Variants in GRM7 observed in about 807,000 individuals in gnomAD.
The protein encoded by GRM7 is metabotropic glutamate receptor 7.
GRM7 carries 35 observed loss-of-function variants against 84.5 expected under a neutral mutation model. The ratio of observed to expected loss-of-function variants is 0.41; its 90% CI spans 0.32 to 0.55. The LOEUF is 0.55. Among genes scored for constraint, GRM7 ranks in the 20% least tolerant of loss-of-function variants. The pLI is 0.19. For synonymous variants in GRM7, 487 were observed against 455.1 expected, an observed-to-expected ratio of 1.07 and a Z score of -0.89; for missense variants, 1,003 against 1,194.6, an observed-to-expected ratio of 0.84 and a Z score of 2.36.
At chr3:7,376,640 A>G (rs940648979) in intron 4 of GRM7, among the ~76,000 whole-genome samples, 1 of 152,226 alleles carries the variant, frequency 6.6e-6, no homozygotes, top group Admixed American at 6.5e-5. Context: ...GTGTATGTCA[A>G]TAAGTTTTAT....
rs182633160 is a variant in GRM7 at position 7,475,307 on chromosome 3, C to T, written c.1515+13585C>T. On this transcript the variant is annotated intron_variant, in intron 7 of 9. Transcript: ENST00000357716. Reference sequence around the variant, plus strand: ...ACTTGATGCCTGCCATTTGAAATCACACTCTGAAAGCGAGCTTTAACACAT... The same window carrying T: ...ACTTGATGCCTGCCATTTGAAATCATACTCTGAAAGCGAGCTTTAACACAT... Among the ~76,000 whole-genome samples the T allele has an allele frequency of 3.5e-3, 536 of 152,298 alleles. 2 individuals carry two copies. Among genetic ancestry groups the T allele is most frequent in the African/African-American group, 0.012 (518 of 41,560 alleles).
intron 8 of GRM7, chr3:7,607,827 T>A (rs1284445007): frequency 2.0e-5 from 3 of 151,668 alleles, no homozygotes; most frequent in Non-Finnish European, 4.4e-5. Flanking sequence ...TGTTATTTCA[T>A]CACCCAAGTA....
chr3:7,231,107 C>T (rs1380234180), intron 2 of GRM7, among the ~76,000 whole-genome samples: 1 of 152,082 alleles, frequency 6.6e-6, no homozygotes, highest in South Asian at 2.1e-4. Context: ...GAGAAGAGGG[C>T]TCTGTCTGGC....
intron 1 of GRM7, among the ~76,000 whole-genome samples, chr3:6,866,791 C>T (rs1694952321): frequency 6.6e-6 from 1 of 152,186 alleles, no homozygotes; most frequent in Non-Finnish European, 1.5e-5. Context: ...TTCCTGGCCC[C>T]AGGGATGAGG....
chr3:7,517,625 C>A (rs1700441207), intron 7 of GRM7, among the ~76,000 whole-genome samples: 1 of 152,108 alleles, frequency 6.6e-6, no homozygotes, highest in South Asian at 2.1e-4. Context: ...AACTCCTGAC[C>A]TCAAGCAATC....
intron 1 of GRM7, among the ~76,000 whole-genome samples, chr3:7,106,996 G>T (rs1310484706): frequency 6.6e-6 from 1 of 151,982 alleles, no homozygotes; most frequent in Non-Finnish European, 1.5e-5. Context: ...TCAAAACATT[G>T]TAAGATACTG....
chr3:6,992,122 G>A (rs1281652274), intron 1 of GRM7, among the ~76,000 whole-genome samples: 1 of 152,212 alleles, frequency 6.6e-6, no homozygotes, highest in Non-Finnish European at 1.5e-5. Context: ...CGTAGGCTGA[G>A]GGTGCTGTAA....
intron 1 of GRM7, among the ~76,000 whole-genome samples, chr3:7,142,420 G>A (rs1693975561): frequency 6.6e-6 from 1 of 151,990 alleles, no homozygotes. Context: ...AAGGCGAAGG[G>A]GAAGCAGGGC....
At chr3:7,260,540 T>C (rs1698381339) in intron 2 of GRM7, among the ~76,000 whole-genome samples, 1 of 152,190 alleles carries the variant, frequency 6.6e-6, no homozygotes, top group East Asian at 1.9e-4. Flanking sequence ...CTGGGGTCAG[T>C]AGTAACGTCC....
chr3:6,893,239 C>T (rs1317602816), intron 1 of GRM7, among the ~76,000 whole-genome samples: 1 of 152,098 alleles, frequency 6.6e-6, no homozygotes, highest in Non-Finnish European at 1.5e-5. Context: ...GTGAGCAGAG[C>T]CACTTACCTA....
chr3:7,644,368 A>T (rs1698525068), intron 8 of GRM7, among the ~76,000 whole-genome samples: 1 of 151,960 alleles, frequency 6.6e-6, no homozygotes. Context: ...ACAACCACAG[A>T]CCTTCTGATA....
chr3:7,405,916 A>G (rs1004039808), intron 4 of GRM7, among the ~76,000 whole-genome samples: 2 of 151,960 alleles, frequency 1.3e-5, no homozygotes, highest in Non-Finnish European at 2.9e-5. Context: ...TGACACTGAC[A>G]TTCATTGTTA....
rs60989451 is a variant in GRM7 at position 6,872,094 on chromosome 3, G to A, written c.519+10187G>A. ...ATGGAAAGAGACATGGAAAGGAAAT[G>A]TTACTTTTGGATTTGGGAGGTATGA... is the stretch of plus-strand genomic sequence containing the variant. On this transcript the variant is annotated intron_variant, in intron 1 of 9. Transcript: ENST00000357716. Among the ~76,000 whole-genome samples, 537 of 152,228 alleles carry A rather than the reference G, an allele frequency of 3.5e-3. 3 individuals are homozygous for A. Among genetic ancestry groups the A allele is most frequent in the African/African-American group, 0.012 (508 of 41,552 alleles).
chr3:7,428,730 A>G (rs1370844955), intron 5 of GRM7, among the ~76,000 whole-genome samples: 1 of 152,184 alleles, frequency 6.6e-6, no homozygotes, highest in African/African-American at 2.4e-5. Context: ...CAATGCTAGC[A>G]CAGGCAGAAC....
chr3:7,244,804 C>T (rs190786273), intron 2 of GRM7, among the ~76,000 whole-genome samples: 85 of 152,046 alleles, frequency 5.6e-4, no homozygotes, highest in Middle Eastern at 6.8e-3. Context: ...GAGAAACATT[C>T]GACTCAAAAA....
rs907801946 is a variant in GRM7, at chr3:6,862,926, G to A, written c.519+1019G>A. ...AGGAAGGCGGATCCGGGGCCGCTGAGCGGTGGGTTCTGCCGCAGTGTTCTC... is the reference window on the plus strand; with the variant it reads ...AGGAAGGCGGATCCGGGGCCGCTGAACGGTGGGTTCTGCCGCAGTGTTCTC... On this transcript the variant is annotated intron_variant, in intron 1 of 9. Transcript: ENST00000357716. This position sits in a 1 kb window ranked among gnomAD's most constrained non-coding sequence, Gnocchi z 5.2. 2 of 441,964 alleles carry A rather than the reference G, an allele frequency of 4.5e-6. No homozygotes were observed. The highest frequency in any genetic ancestry group is 1.6e-5 in the South Asian group (1 of 62,406). 27.4% of individuals were successfully genotyped at this position (441,964 alleles called of 1,614,324 possible).
chr3:7,585,701 T>C (rs1352654694), intron 8 of GRM7, among the ~76,000 whole-genome samples: 1 of 152,152 alleles, frequency 6.6e-6, no homozygotes, highest in African/African-American at 2.4e-5. Context: ...CTTTGAGACC[T>C]CAGCCACTGA....
At chr3:7,309,449 G>A (rs1037683777) in intron 4 of GRM7, among the ~76,000 whole-genome samples, 2 of 152,048 alleles carry the variant, frequency 1.3e-5, no homozygotes, top group Admixed American at 6.6e-5. Flanking sequence ...GAATTATGCT[G>A]GGGTAGAATA....
chr3:7,111,068 G>T (rs1692832804), intron 1 of GRM7, among the ~76,000 whole-genome samples: 1 of 152,080 alleles, frequency 6.6e-6, no homozygotes, highest in Admixed American at 6.5e-5. Flanking sequence ...ACAGAATGGA[G>T]AAATTGACTG....
Sources: allele counts gnomAD v4.1 joint callset (sites outside exome capture counted in the v4.1 genomes callset), GRCh38; gene constraint gnomAD v4.1.1; non-coding constraint Gnocchi (gnomAD v3.1); transcripts MANE v1.5; gene names NCBI Gene and HGNC (gene_info 2026-07-23, HGNC 2026-07-21).